Variants in RGSL1 observed in about 807,000 individuals in gnomAD.
RGSL1 encodes regulator of G protein signaling protein-like.
RGSL1 carries 97 observed loss-of-function variants against 124.7 expected under a neutral mutation model. The observed-to-expected ratio is 0.78, with a 90% CI of 0.66 to 0.92. The LOEUF is 0.92. Among genes scored for constraint, RGSL1 ranks in the 40% least tolerant of loss-of-function variants. The pLI, the probability that RGSL1 is intolerant of heterozygous loss-of-function variation, is 0.00. For synonymous variants in RGSL1, 424 were observed against 438.1 expected, an observed-to-expected ratio of 0.97 and a Z score of 0.40; for missense variants, 1,233 against 1,288.4, an observed-to-expected ratio of 0.96 and a Z score of 0.66.
chr1:182,547,657 C>A (rs933705062), intron 15 of RGSL1, among the ~76,000 whole-genome samples: 8 of 152,032 alleles, frequency 5.3e-5, no homozygotes, highest in African/African-American at 1.9e-4. Context: ...GTCAAGAGAT[C>A]GAGACCATCC....
Position 182,464,225 on chromosome 1 carries a change from C to T in RGSL1, c.301+4092C>T, listed in dbSNP as rs2102008299. Among the ~76,000 whole-genome samples the T allele has an allele frequency of 2.0e-5, 3 of 152,204 alleles. 1 individual carries two copies. The South Asian group carries it at 6.2e-4, about 32-fold the overall frequency. ...ATGGGAAAATTTATAGCTATGTTTACATTTTAAAAAGAAAAATCTCAAATA... is the reference window on the plus strand; with the variant it reads ...ATGGGAAAATTTATAGCTATGTTTATATTTTAAAAAGAAAAATCTCAAATA... On this transcript the variant is annotated intron_variant, in intron 4 of 21. Transcript: ENST00000294854.
At chr1:182,456,684 T>C (rs1652355599) in intron 2 of RGSL1, among the ~76,000 whole-genome samples, 1 of 152,128 alleles carries the variant, frequency 6.6e-6, no homozygotes, top group Non-Finnish European at 1.5e-5. Flanking sequence ...CAGAGAGTGA[T>C]TGGGGAGGGG....
chr1:182,541,892 T>C (rs1224866081), intron 15 of RGSL1, among the ~76,000 whole-genome samples: 11 of 152,344 alleles, frequency 7.2e-5, no homozygotes, highest in Middle Eastern at 3.4e-3. Context: ...GAAATGTCTA[T>C]TCAGATCTTT....
intron 21 of RGSL1, among the ~76,000 whole-genome samples, chr1:182,559,700 A>C (rs1023867133): frequency 1.3e-5 from 2 of 152,108 alleles, no homozygotes; most frequent in Non-Finnish European, 2.9e-5. Flanking sequence ...TCAGGTTTCC[A>C]GGTTTATCTT....
chr1:182,478,040 T>A lies in RGSL1; in HGVS notation c.1431+3498T>A, dbSNP rs527823169. Among the ~76,000 whole-genome samples the A allele has an allele frequency of 1.4e-4, 22 of 152,164 alleles. No homozygotes were observed. In the East Asian group the frequency reaches 3.3e-3, roughly 23 times the overall value. ...ATTCAAAATAACATCTGAAAAAAAA[T>A]TTTTCTTGTACTTTTTATAAAGAAT... On this transcript the variant is annotated intron_variant, in intron 6 of 21. Coordinates refer to ENST00000294854, the MANE Select transcript of RGSL1 (RefSeq NM_001137669.2).
rs2102339753 is a variant in RGSL1 at position 182,554,573 on chromosome 1, G to A, written c.3131-54G>A. ...TCCTCCAGGGTGGAGGCCTTTCAGT[G>A]ACTGCGTCTATGTCATGAGTCCTGA... is the stretch of plus-strand genomic sequence containing the variant. On this transcript the variant is annotated intron_variant, in intron 19 of 21. Transcript: ENST00000294854. The A allele has an allele frequency of 5.3e-6, 8 of 1,497,704 alleles. No homozygotes were observed. The South Asian group carries it at 9.7e-5, about 18-fold the overall frequency. 92.8% of individuals were successfully genotyped at this position (1,497,704 alleles called of 1,614,324 possible).
chr1:182,473,851 C>T lies in RGSL1; in HGVS notation c.740C>T (p.Ser247Leu), dbSNP rs1558261542. Residue 247 changes from serine (S) to leucine (L), a missense_variant, in exon 6 of 22, where the codon TCA becomes TTA. Coordinates refer to ENST00000294854, the MANE Select transcript of RGSL1 (RefSeq NM_001137669.2). ...KKCHHFQKRYSSRKAKRKMWQ... is the reference protein window; with the variant it reads ...KKCHHFQKRYLSRKAKRKMWQ... ...TGCCACCACTTTCAGAAACGGTACT[C>T]AAGCAGGAAAGCCAAGAGGAAGATG... The T allele has an allele frequency of 6.4e-7, 1 of 1,551,784 alleles. No individual in the cohort carries two copies. The highest frequency in any genetic ancestry group is 8.7e-7 in the Non-Finnish European group (1 of 1,147,014).
intron 4 of RGSL1, among the ~76,000 whole-genome samples, chr1:182,466,123 GAA>G (rs35257455): frequency 6.7e-6 from 1 of 150,230 alleles, no homozygotes; most frequent in Admixed American, 6.6e-5. Context: ...ACCCTTTCAT[GAA>G]AAAAAAATGT....
rs114802263 is a variant in RGSL1, at chr1:182,497,828, T to C, written c.1825+4699T>C. ...GCATTCAGGTTATTCAGAAATATCA[T>C]TGCAGTTCTTTTCACTGCAGCAAGT... On this transcript the variant is annotated intron_variant, in intron 9 of 21. Transcript: ENST00000294854. Among the ~76,000 whole-genome samples the C allele has an allele frequency of 5.7e-3, 872 of 152,312 alleles. 9 individuals are homozygous for C. Among genetic ancestry groups the C allele is most frequent in the African/African-American group, 0.02 (843 of 41,552 alleles).
intron 9 of RGSL1, among the ~76,000 whole-genome samples, chr1:182,500,804 T>C (rs1321961455): frequency 6.6e-6 from 1 of 152,244 alleles, no homozygotes; most frequent in Non-Finnish European, 1.5e-5. Context: ...TGTGAGTATA[T>C]AGAAATACAA....
At chr1:182,552,846 C>G (rs538981576) in intron 18 of RGSL1, among the ~76,000 whole-genome samples, 1 of 152,242 alleles carries the variant, frequency 6.6e-6, no homozygotes, top group Admixed American at 6.5e-5. Flanking sequence ...CAAACCCACT[C>G]CCATGATAAT....
chr1:182,449,978 G>A, upstream of RGSL1: 1 of 651,490 alleles, frequency 1.5e-6, no homozygotes, highest in South Asian at 1.8e-5. Flanking sequence ...AGGGGATTCA[G>A]CAGATTAGGT....
intron 15 of RGSL1, among the ~76,000 whole-genome samples, chr1:182,543,937 T>C (rs1660049273): frequency 6.6e-6 from 1 of 152,058 alleles, no homozygotes; most frequent in Admixed American, 6.6e-5. Flanking sequence ...ATTTTGTTTA[T>C]ATTTTTAGAA....
Position 182,530,301 on chromosome 1 carries a change from TCACCA to T in RGSL1, c.2186_2190del (p.Thr729LysfsTer20), listed in dbSNP as rs1659072468. ...AAAGAAATCGCTTCCATGCGTCATG[TCACCA>T]CAAGCACACTGTTAACGCTCCAGGG... On this transcript the variant is annotated frameshift_variant, in exon 12 of 22. Coordinates refer to ENST00000294854, the MANE Select transcript of RGSL1 (RefSeq NM_001137669.2). LOFTEE classifies it high-confidence loss of function. 6.4e-7 allele frequency: 1 copy of T among 1,551,014 alleles called. No individual in the cohort carries two copies. The highest frequency in any genetic ancestry group is 8.7e-7 in the Non-Finnish European group (1 of 1,146,610).
chr1:182,530,538 T>TACATACACAC (rs1659095113), intron 12 of RGSL1, among the ~76,000 whole-genome samples, 177 bp downstream of exon 12: 1 of 149,140 alleles, frequency 6.7e-6, no homozygotes, highest in Non-Finnish European at 1.5e-5. Flanking sequence ...CACACACACA[T>TACATACACAC]ACACACACAC....
At position 182,530,825 on chromosome 1, in the gene RGSL1, A is replaced by T; in HGVS notation, c.2279A>T (p.His760Leu). 1 of 1,550,120 alleles carries T rather than the reference A, an allele frequency of 6.5e-7. No homozygotes were observed. Among genetic ancestry groups the T allele is most frequent in the Non-Finnish European group, 8.7e-7 (1 of 1,146,132 alleles). Residue 760 changes from histidine to leucine, a missense_variant, in exon 13 of 22, where the codon CAT becomes CTT. Transcript: ENST00000294854. ...KDYQDLFPPH[H>L]QEVEVQSEVQ... Reference sequence around the variant, plus strand: ...TATCAAGACCTGTTCCCACCTCACCATCAGGAGGTGGAAGTGCAAAGTGAA... The same window carrying T: ...TATCAAGACCTGTTCCCACCTCACCTTCAGGAGGTGGAAGTGCAAAGTGAA...
chr1:182,545,004 A>G (rs1660121959), intron 15 of RGSL1, among the ~76,000 whole-genome samples: 1 of 152,080 alleles, frequency 6.6e-6, no homozygotes, highest in African/African-American at 2.4e-5. Context: ...ATTCTTATTA[A>G]TAAGTAAGAA....
intron 13 of RGSL1, among the ~76,000 whole-genome samples, chr1:182,532,022 A>G (rs990219857): frequency 2.6e-5 from 4 of 152,168 alleles, no homozygotes; most frequent in African/African-American, 9.7e-5. Flanking sequence ...GTCTAAAGCG[A>G]GGCTTATGTT....
chr1:182,474,376 C>T lies in RGSL1; in HGVS notation c.1265C>T (p.Ala422Val). The change falls in exon 6 of 22, where the codon GCA becomes GTA. Residue 422 changes from alanine (A) to valine (V), a missense_variant. By Grantham distance (64) the Ala-to-Val change is moderately conservative (BLOSUM62 0). Transcript: ENST00000294854. ...VLLNNKKNGN[A>V]IFRHLLGDRI... The stretch of plus-strand genomic sequence containing the variant: ...CTGAATAACAAAAAGAATGGGAATG[C>T]AATCTTTCGTCACTTGCTGGGTGAC... 6.4e-7 allele frequency: 1 copy of T among 1,551,974 alleles called. No homozygotes were observed. The highest frequency in any genetic ancestry group is 1.2e-5 in the South Asian group (1 of 84,068).
Sources: allele counts gnomAD v4.1 joint callset (sites outside exome capture counted in the v4.1 genomes callset), GRCh38; gene constraint gnomAD v4.1.1; transcripts MANE v1.5; gene names NCBI Gene and HGNC (gene_info 2026-07-23, HGNC 2026-07-21).